PRSS23: variants seen among roughly 807,000 people sequenced by gnomAD.
The protein encoded by PRSS23 is serine protease 23.
In PRSS23, 25 loss-of-function variants were observed where a neutral mutation model predicts 34.7. That is an observed-to-expected ratio of 0.72 (90% CI 0.53 to 1.01). The LOEUF (loss-of-function observed/expected upper bound fraction) is 1.01, where lower values mean the gene tolerates loss of function less well. PRSS23 is among the 50% of genes least tolerant of loss of function. The pLI is 0.00. For synonymous variants in PRSS23, 176 were observed against 186.6 expected (o/e 0.94, Z 0.46); for missense variants, 445 against 475.6 (o/e 0.94, Z 0.60).
chr11:86,810,783 C>T lies in PRSS23; in HGVS notation c.*1988C>T, dbSNP rs1468188534. 1 of 166,952 alleles carries T rather than the reference C, an allele frequency of 6.0e-6. No individual in the cohort carries two copies. The highest frequency in any genetic ancestry group is 2.4e-5 in the African/African-American group (1 of 41,416). The allele number at this position is 166,952 out of a possible 1,614,324, so 10.3% of individuals were successfully genotyped here. A position where few individuals can be genotyped will look rare whatever the true frequency, so the allele number is the denominator to read the frequency against. On this transcript the variant is annotated 3_prime_UTR_variant, in exon 2 of 2. Coordinates refer to ENST00000280258, the MANE Select transcript of PRSS23 (RefSeq NM_007173.6). ...AGATGTAATTTACTAAAGAATGATA[C>T]ACCCATATGCTATATACAGCTTAAC...
At position 86,800,664 on chromosome 11, in the gene PRSS23, A is replaced by T. The variant is rs567148352; in HGVS notation, c.-14+13A>T. The T allele has an allele frequency of 2.6e-3, 2,538 of 984,554 alleles. 8 individuals carry two copies. Among genetic ancestry groups the T allele is most frequent in the Non-Finnish European group, 2.7e-3 (2,214 of 829,330 alleles). The allele number at this position is 984,554 out of a possible 1,614,324, so 61.0% of individuals were successfully genotyped here. A position where few individuals can be genotyped will look rare whatever the true frequency, so the allele number is the denominator to read the frequency against. ...CTGCTCGGCGCGGGTGAGTGCGGGC[A>T]CCGACTGGGGCATCCGCCCGGGCGC... On this transcript the variant is annotated intron_variant, in intron 1 of 1. Coordinates refer to ENST00000280258, the MANE Select transcript of PRSS23 (RefSeq NM_007173.6).
At chr11:86,816,749 T>G (rs1948217673) in intron 1 of PRSS23, among the ~76,000 whole-genome samples, 1 of 152,206 alleles carries the variant, frequency 6.6e-6, no homozygotes, top group Non-Finnish European at 1.5e-5. Context: ...TGCCACCACT[T>G]TGTCTTTCTA....
intron 2 of PRSS23, among the ~76,000 whole-genome samples, chr11:86,846,793 G>A (rs929774251): frequency 5.3e-5 from 8 of 152,178 alleles, no homozygotes; most frequent in African/African-American, 1.7e-4. Context: ...TGTTCATGGT[G>A]CCCTCTAGGG....
intron 2 of PRSS23, among the ~76,000 whole-genome samples, chr11:86,944,807 A>G (rs188865595): frequency 2.5e-4 from 38 of 152,372 alleles, no homozygotes; most frequent in African/African-American, 8.9e-4. Flanking sequence ...GCCTTCATTT[A>G]GGGTTTGAGA....
rs150001427 is a variant in PRSS23, at chr11:86,853,318, A to G, written c.206+29725A>G. 5.6e-5 allele frequency among the ~76,000 whole-genome samples: 7 copies of G among 125,112 alleles called. No individual in the cohort carries two copies. The East Asian group carries it at 1.8e-3, about 32-fold the overall frequency. The allele number at this position is 125,112 out of a possible 152,430, so 82.1% of individuals were successfully genotyped here. Reference sequence around the variant, plus strand: ...CACCCAGGCTGGAGTTCAGTGGCACAATCTGGGCTCACCGCAACCTCCGCC... The same window carrying G: ...CACCCAGGCTGGAGTTCAGTGGCACGATCTGGGCTCACCGCAACCTCCGCC... On this transcript the variant is annotated intron_variant, in intron 2 of 2. Transcript: ENST00000533902.
intron 2 of PRSS23, among the ~76,000 whole-genome samples, chr11:86,833,994 G>C (rs990328191): frequency 6.6e-6 from 1 of 152,212 alleles, no homozygotes; most frequent in Non-Finnish European, 1.5e-5. Context: ...GTCCATGGTA[G>C]ATCTTAGTCA....
rs192889848 is a variant in PRSS23 at position 86,916,561 on chromosome 11, T to G, written c.207-34655T>G. Reference sequence around the variant, plus strand: ...GAAGTGTGTGTCACCAGAAAAGAATTTAATTCTTTGCAGCAAAAAGATGGT... The same window carrying G: ...GAAGTGTGTGTCACCAGAAAAGAATGTAATTCTTTGCAGCAAAAAGATGGT... On this transcript the variant is annotated intron_variant, in intron 2 of 2. Transcript: ENST00000533902. Among the ~76,000 whole-genome samples, 104 of 152,262 alleles carry G rather than the reference T, an allele frequency of 6.8e-4. No homozygotes were observed. The East Asian group carries it at 0.019, about 29-fold the overall frequency.
chr11:86,797,782 A>G (rs1198176547), upstream of PRSS23, among the ~76,000 whole-genome samples: 1 of 152,228 alleles, frequency 6.6e-6, no homozygotes, highest in East Asian at 1.9e-4. Flanking sequence ...TCCATGTAAG[A>G]AACTCTCCTA....
intron 2 of PRSS23, among the ~76,000 whole-genome samples, chr11:86,860,971 C>G (rs1366938122): frequency 6.6e-6 from 1 of 151,774 alleles, no homozygotes; most frequent in South Asian, 2.1e-4. Context: ...GAAGTACACC[C>G]TCCTGTGATA....
chr11:86,938,578 G>A (rs181616098), intron 2 of PRSS23, among the ~76,000 whole-genome samples: 35 of 152,336 alleles, frequency 2.3e-4, no homozygotes, highest in African/African-American at 7.9e-4. Context: ...GGCTGGAAGA[G>A]AGGGGAAGAG....
chr11:86,852,002 CA>C (rs1948533859), intron 2 of PRSS23, among the ~76,000 whole-genome samples: 1 of 152,202 alleles, frequency 6.6e-6, no homozygotes, highest in Admixed American at 6.5e-5. Context: ...TGACAGTTTG[CA>C]TATTGGTCTC....
intron 2 of PRSS23, among the ~76,000 whole-genome samples, chr11:86,847,647 T>C (rs1055218772): frequency 2.6e-5 from 4 of 152,140 alleles, no homozygotes; most frequent in Admixed American, 2.6e-4. Context: ...AGATGTATCC[T>C]GAATAACTGG....
intron 2 of PRSS23, among the ~76,000 whole-genome samples, chr11:86,834,560 TTCCTTTCCTTTCCTTTCC>T (rs1948389451): frequency 2.0e-4 from 13 of 64,696 alleles, no homozygotes; most frequent in African/African-American, 7.7e-4. Context: ...CCTTTTTCCT[TTCCTTTCCTTTCCTTTCC>T]TTTCCTTTCC....
chr11:86,922,686 A>G (rs564537883), intron 2 of PRSS23, among the ~76,000 whole-genome samples: 17 of 152,258 alleles, frequency 1.1e-4, no homozygotes, highest in Admixed American at 1.3e-4. Context: ...ATTTTTTTCT[A>G]CATTTGCTCA....
chr11:86,891,540 G>A (rs1275322803), intron 2 of PRSS23, among the ~76,000 whole-genome samples: 1 of 152,120 alleles, frequency 6.6e-6, no homozygotes, highest in East Asian at 1.9e-4. Context: ...CATTAGCTCA[G>A]GTAATGAGGT....
At chr11:86,823,672 C>A in intron 2 of PRSS23, 2 of 687,442 alleles carry the variant, frequency 2.9e-6, no homozygotes. Context: ...TTTTCTAATG[C>A]ATTTTAACGG....
Position 86,951,926 on chromosome 11 carries a change from C to T in PRSS23, c.*641C>T, listed in dbSNP as rs148970041. 19 of 1,613,728 alleles carry T rather than the reference C, an allele frequency of 1.2e-5. No individual in the cohort carries two copies. Among genetic ancestry groups the T allele is most frequent in the East Asian group, 1.1e-4 (5 of 44,882 alleles). ...TTCAAAATCACAGGATATCCTTTCC[C>T]GGCCTACAGTCAGCCTGACAATATA... On this transcript the variant is annotated 3_prime_UTR_variant, in exon 3 of 3. Coordinates refer to the PRSS23 transcript ENST00000533902.
intron 2 of PRSS23, among the ~76,000 whole-genome samples, chr11:86,860,504 CA>C (rs930365599): frequency 6.6e-6 from 1 of 151,044 alleles, no homozygotes; most frequent in African/African-American, 2.4e-5. Flanking sequence ...CCCAATATCA[CA>C]AGGGTTGTAC....
upstream of PRSS23, among the ~76,000 whole-genome samples, chr11:86,796,214 G>A (rs976876940): frequency 1.3e-5 from 2 of 152,118 alleles, no homozygotes; most frequent in African/African-American, 4.8e-5. Flanking sequence ...AAAAGAATGG[G>A]GCAGACTGGG....
Sources: gnomAD v4.1 joint callset for allele counts (sites outside exome capture counted in the v4.1 genomes callset) on GRCh38, gnomAD v4.1.1 for gene constraint, MANE v1.5 for transcripts, NCBI Gene and HGNC (gene_info 2026-07-23, HGNC 2026-07-21) for gene names.